The following RTL4 variants were observed in gnomAD, a reference collection of about 807,000 sequenced individuals.
RTL4 encodes the protein retrotransposon Gag-like protein 4.
RTL4 carries 4 observed loss-of-function variants against 5.3 expected under a neutral mutation model. That is an observed-to-expected ratio of 0.75 (90% CI 0.37 to 1.72). The LOEUF (loss-of-function observed/expected upper bound fraction) is 1.72, where lower values mean the gene tolerates loss of function less well. RTL4 is among the 40% of genes most tolerant of loss of function. The pLI is 0.04. For missense variants in RTL4, 260 were observed against 227.1 expected (o/e 1.14, Z -0.93); for synonymous variants, 98 against 87.3 (o/e 1.12, Z -0.68).
chrX:112,348,370 G>GTT, the RTL4 span, among the ~76,000 whole-genome samples: 14 of 94,415 alleles, frequency 1.5e-4, no homozygotes, highest in African/African-American at 4.2e-4. Flanking sequence ...CTTAATTTGT[G>GTT]TTTTTTTTTT....
the RTL4 span, among the ~76,000 whole-genome samples, chrX:112,349,171 C>T: frequency 9.0e-6 from 1 of 110,914 alleles, no homozygotes; most frequent in Admixed American, 9.6e-5. Context: ...CATTTATATA[C>T]AATGAACTAT....
the RTL4 span, among the ~76,000 whole-genome samples, chrX:112,386,147 G>A: frequency 1.8e-5 from 2 of 111,668 alleles, no homozygotes; most frequent in Admixed American, 1.9e-4. Context: ...ATAGGTGTAT[G>A]GTATACATGA....
the RTL4 span, among the ~76,000 whole-genome samples, chrX:112,169,027 TC>T: frequency 0.072 from 1,338 of 18,461 alleles, 24 homozygotes; most frequent in African/African-American, 0.25. Flanking sequence ...TTTCTCTTTC[TC>T]TTTCTTTCTT....
At chrX:112,257,171 G>GT in the RTL4 span, among the ~76,000 whole-genome samples, 15 of 111,251 alleles carry the variant, frequency 1.3e-4, no homozygotes, top group African/African-American at 3.9e-4. Flanking sequence ...CTGTTTTCTA[G>GT]TTTTTTTCCT....
chrX:112,260,945 A>G, the RTL4 span, among the ~76,000 whole-genome samples: 1 of 111,989 alleles, frequency 8.9e-6, no homozygotes, highest in African/African-American at 3.2e-5. Context: ...CTGAGTGGTT[A>G]TTTGATTTAA....
chrX:112,388,454 T>C, the RTL4 span, among the ~76,000 whole-genome samples: 1 of 112,288 alleles, frequency 8.9e-6, no homozygotes, highest in Non-Finnish European at 1.9e-5. Context: ...CTACGTTGAA[T>C]TGGAGTGGTG....
chrX:112,119,010 A>T, the RTL4 span, among the ~76,000 whole-genome samples: 12 of 91,950 alleles, frequency 1.3e-4, no homozygotes, highest in African/African-American at 4.1e-4. Context: ...CACCCAGCTA[A>T]TTTTTTTTTT....
the RTL4 span, among the ~76,000 whole-genome samples, chrX:112,191,925 T>C: frequency 9.0e-6 from 1 of 111,688 alleles, no homozygotes; most frequent in African/African-American, 3.3e-5. Flanking sequence ...TTTCTTTCAA[T>C]AATGTTTCAT....
the RTL4 span, among the ~76,000 whole-genome samples, chrX:112,091,718 T>C: frequency 9.0e-6 from 1 of 111,125 alleles, no homozygotes; most frequent in Admixed American, 9.6e-5. Flanking sequence ...TTCTGCTGTT[T>C]TGGGGTGACA....
At chrX:112,399,444 G>T in the RTL4 span, among the ~76,000 whole-genome samples, 5 of 111,464 alleles carry the variant, frequency 4.5e-5, no homozygotes, top group African/African-American at 1.3e-4. Context: ...TAATGTAAAA[G>T]AAATCATAAT....
At chrX:112,290,467 T>C in the RTL4 span, among the ~76,000 whole-genome samples, 15 of 112,103 alleles carry the variant, frequency 1.3e-4, no homozygotes, top group Non-Finnish European at 1.3e-4. Flanking sequence ...AGGATCATCC[T>C]GGGGAGTCAT....
At chrX:112,285,238 A>G in the RTL4 span, among the ~76,000 whole-genome samples, 2 of 111,905 alleles carry the variant, frequency 1.8e-5, no homozygotes, top group African/African-American at 6.5e-5. Context: ...AGGCAGAACA[A>G]ACACAGGAAG....
chrX:112,146,226 T>C, the RTL4 span, among the ~76,000 whole-genome samples: 1 of 111,283 alleles, frequency 9.0e-6, no homozygotes, highest in East Asian at 2.8e-4. Flanking sequence ...CAAGACATGC[T>C]GATGAATTGG....
the RTL4 span, among the ~76,000 whole-genome samples, chrX:112,313,607 C>CCTCT: frequency 3.9e-3 from 398 of 101,235 alleles, 4 homozygotes; most frequent in African/African-American, 0.011. Context: ...TGCTTCAGAA[C>CCTCT]CTCTCTCTCT....
the RTL4 span, among the ~76,000 whole-genome samples, chrX:112,190,176 C>CTT: frequency 1.0e-3 from 100 of 98,772 alleles, no homozygotes; most frequent in Non-Finnish European, 1.6e-3. Flanking sequence ...TTCTTTCTTT[C>CTT]TTTCTTTCTT....
chrX:112,430,907 T>G, the RTL4 span, among the ~76,000 whole-genome samples: 1 of 112,226 alleles, frequency 8.9e-6, no homozygotes, highest in African/African-American at 3.2e-5. Context: ...TAGTATGCCT[T>G]GTAATTTTTT....
chrX:112,392,179 G>A, the RTL4 span, among the ~76,000 whole-genome samples: 1 of 111,789 alleles, frequency 8.9e-6, no homozygotes, highest in Non-Finnish European at 1.9e-5. Context: ...GAGATTTTCA[G>A]TTGCCCCTGG....
chrX:112,161,874 C>CTTTCTTTCATTCT, the RTL4 span, among the ~76,000 whole-genome samples: 3 of 36,020 alleles, frequency 8.3e-5, no homozygotes, highest in Non-Finnish European at 1.5e-4. Flanking sequence ...TCTTTCTTTC[C>CTTTCTTTCATTCT]TTCTTTCTTC....
the RTL4 span, among the ~76,000 whole-genome samples, chrX:112,103,023 C>T: frequency 9.0e-6 from 1 of 111,559 alleles, no homozygotes. Context: ...GACAGTGTGG[C>T]AATTCCTCAA....
Sources: allele counts gnomAD v4.1 joint callset (sites outside exome capture counted in the v4.1 genomes callset), GRCh38; gene constraint gnomAD v4.1.1; transcripts MANE v1.5; gene names NCBI Gene and HGNC (gene_info 2026-07-23, HGNC 2026-07-21).